The following ALMS1 variants were observed in gnomAD, a reference collection of about 807,000 sequenced individuals.
ALMS1 encodes the protein ALMS1 centrosome and basal body associated protein, also known as centrosome-associated protein ALMS1.
ALMS1 carries 271 observed loss-of-function variants against 352.2 expected under a neutral mutation model. The ratio of observed to expected loss-of-function variants is 0.77; its 90% CI spans 0.70 to 0.85. The LOEUF (loss-of-function observed/expected upper bound fraction) is 0.85. Ranked by LOEUF, ALMS1 falls within the 40% of genes least tolerant of loss-of-function variation. The pLI, the probability that ALMS1 is intolerant of heterozygous loss-of-function variation, is 0.00. For missense variants in ALMS1, 5,445 were observed against 4,870.7 expected (o/e 1.12, Z -3.51); for synonymous variants, 1,865 against 1,761.2 (o/e 1.06, Z -1.48).
chr2:73,494,617 G>A (rs1011899909), intron 10 of ALMS1, among the ~76,000 whole-genome samples: 1 of 152,134 alleles, frequency 6.6e-6, no homozygotes, highest in African/African-American at 2.4e-5. Context: ...TTTGAAGAGT[G>A]CTAATCAGTT....
Position 73,455,003 on chromosome 2 carries a change from CTG to C in ALMS1, c.7541-157_7541-156del, listed in dbSNP as rs1330587339. ...ATCAGACTTTGCAGTGAAAGGATCT[CTG>C]TCAAGAATTTCTAATAGGTTGTCAT... On this transcript the variant is annotated intron_variant, in intron 8 of 22. Coordinates refer to ENST00000613296, the MANE Select transcript of ALMS1 (RefSeq NM_001378454.1). Among the ~76,000 whole-genome samples, 4 of 152,178 alleles carry C rather than the reference CTG, an allele frequency of 2.6e-5. No individual in the cohort carries two copies. The East Asian group carries it at 7.7e-4, about 29-fold the overall frequency.
At chr2:73,472,549 A>G (rs1255163325) in intron 9 of ALMS1, among the ~76,000 whole-genome samples, 2 of 152,068 alleles carry the variant, frequency 1.3e-5, no homozygotes, top group African/African-American at 4.8e-5. Flanking sequence ...AAAACACCTA[A>G]TAAGCTTCCA....
intron 7 of ALMS1, among the ~76,000 whole-genome samples, chr2:73,444,507 T>C (rs1488601723): frequency 1.3e-5 from 2 of 152,190 alleles, no homozygotes; most frequent in African/African-American, 4.8e-5. Context: ...TGCTTTCGCA[T>C]TGAAAAAGAA....
At position 73,542,332 on chromosome 2, in the gene ALMS1, A is replaced by G. The variant is rs1373331855; in HGVS notation, c.9907+7383A>G. 2.6e-5 allele frequency among the ~76,000 whole-genome samples: 4 copies of G among 152,214 alleles called. No homozygotes were observed. The East Asian group carries it at 7.7e-4, about 29-fold the overall frequency. ...AAAATTCAACAACCCTTCATGCTAA[A>G]AACTCTCAATAAATGAGGTATTGAT... is the stretch of plus-strand genomic sequence containing the variant. On this transcript the variant is annotated intron_variant, in intron 12 of 22. Coordinates refer to ENST00000613296, the MANE Select transcript of ALMS1 (RefSeq NM_001378454.1).
rs1338636347 is a variant in ALMS1, at chr2:73,450,475, T to G, written c.3948T>G (p.Val1316=). The G allele has an allele frequency of 1.9e-6, 3 of 1,613,394 alleles. No homozygotes were observed. The highest frequency in any genetic ancestry group is 1.6e-4 in the Middle Eastern group (1 of 6,062). The change falls in exon 8 of 23, where the codon GTT becomes GTG. Residue 1316 remains valine, a synonymous_variant. Transcript: ENST00000613296. The stretch of plus-strand genomic sequence containing the variant: ...AAGAGGCTAAGAATGTTTCAGCGGT[T>G]CCTGGACCAGCTGACCAGAAGACTG... ...LTEEAKNVSA[V]PGPADQKTVI...
rs1454003034 is a variant in ALMS1 at position 73,599,404 on chromosome 2, G to A, written c.11551G>A (p.Ala3851Thr). 2.5e-6 allele frequency: 4 copies of A among 1,612,790 alleles called. No individual in the cohort carries two copies. The highest frequency in any genetic ancestry group is 1.1e-5 in the South Asian group (1 of 91,058). Residue 3851 changes from alanine to threonine, a missense_variant, in exon 17 of 23, where the codon GCA becomes ACA. Transcript: ENST00000613296. ...EHTRRRHIQV[A>T]NHVISSDSIS... ...AAGATCTCTTTTATTTTTCTAGGTAGCAAACCATGTGATTTCTTCTGACTC... is the reference window on the plus strand; with the variant it reads ...AAGATCTCTTTTATTTTTCTAGGTAACAAACCATGTGATTTCTTCTGACTC...
intron 9 of ALMS1, among the ~76,000 whole-genome samples, chr2:73,457,648 T>C (rs1672095212): frequency 1.3e-5 from 2 of 152,180 alleles, no homozygotes; most frequent in South Asian, 4.1e-4. Flanking sequence ...TATTAAAATA[T>C]CCCTTTCAGC....
At position 73,572,244 on chromosome 2, in the gene ALMS1, T is replaced by C; in HGVS notation, c.10385-18T>C. The C allele has an allele frequency of 6.3e-7, 1 of 1,597,536 alleles. No homozygotes were observed. Among genetic ancestry groups the C allele is most frequent in the Non-Finnish European group, 8.5e-7 (1 of 1,173,710 alleles). Reference sequence around the variant, plus strand: ...TAATTTTTTAAGTTCTTTCAAAATCTTTTTTTCTCCTTTTCAGAGTCCGAA... The same window carrying C: ...TAATTTTTTAAGTTCTTTCAAAATCCTTTTTTCTCCTTTTCAGAGTCCGAA... On this transcript the variant is annotated intron_variant, in intron 15 of 22. Transcript: ENST00000613296.
chr2:73,453,625 A>G lies in ALMS1; in HGVS notation c.7098A>G (p.Ala2366=). The change falls in exon 8 of 23, where the codon GCA becomes GCG. Residue 2366 remains alanine, a synonymous_variant. Transcript: ENST00000613296. ...STTVRSPLQE[A]ESKVSMALEE... ...CAGTTAGAAGTCCTCTACAGGAAGC[A>G]GAGAGCAAAGTCAGTATGGCATTAG... is the stretch of plus-strand genomic sequence containing the variant. 6.2e-7 allele frequency: 1 copy of G among 1,614,098 alleles called. No individual in the cohort carries two copies. The highest frequency in any genetic ancestry group is 1.1e-5 in the South Asian group (1 of 91,086).
chr2:73,573,220 T>C lies in ALMS1; in HGVS notation c.11343T>C (p.Ser3781=). The C allele has an allele frequency of 8.7e-6, 14 of 1,613,106 alleles. No homozygotes were observed. Among genetic ancestry groups the C allele is most frequent in the Non-Finnish European group, 1.2e-5 (14 of 1,179,230 alleles). Residue 3781 remains serine (S), a synonymous_variant, in exon 16 of 23, where the codon TCT becomes TCC. Coordinates refer to ENST00000613296, the MANE Select transcript of ALMS1 (RefSeq NM_001378454.1). ...REVALHERSS[S]VSTIDTARLI... ...TGGCTCTGCACGAAAGGAGTAGCTC[T>C]GTTTCCACTATTGACACTGCCCGGC...
rs45598335 is a variant in ALMS1, at chr2:73,600,831, G to A, written c.11822G>A (p.Gly3941Asp). The A allele has an allele frequency of 6.2e-7, 1 of 1,614,174 alleles. No individual in the cohort carries two copies. The highest frequency in any genetic ancestry group is 8.5e-7 in the Non-Finnish European group (1 of 1,180,018). Residue 3941 changes from glycine (G) to aspartate (D), a missense_variant, in exon 18 of 23, where the codon GGT becomes GAT. By Grantham distance (94) the Gly-to-Asp change is moderately conservative (BLOSUM62 -1). Transcript: ENST00000613296. ...EKREEKMLFT[G>D]YPEDRKLKKN... Reference sequence around the variant, plus strand: ...CGTGAAGAGAAAATGCTCTTTACCGGTTATCCTGAGGACAGAAAGTTAAAA... The same window carrying A: ...CGTGAAGAGAAAATGCTCTTTACCGATTATCCTGAGGACAGAAAGTTAAAA...
chr2:73,504,537 G>A (rs1264889682), intron 10 of ALMS1, among the ~76,000 whole-genome samples: 1 of 152,150 alleles, frequency 6.6e-6, no homozygotes, highest in South Asian at 2.1e-4. Context: ...AACATAACAT[G>A]TAAACTTTGA....
intron 9 of ALMS1, among the ~76,000 whole-genome samples, chr2:73,480,320 T>C (rs1043708312): frequency 3.9e-5 from 6 of 152,122 alleles, no homozygotes; most frequent in African/African-American, 1.2e-4. Flanking sequence ...AGTGAGAATA[T>C]GCGGTGTTTG....
rs771228376 is a variant in ALMS1 at position 73,453,416 on chromosome 2, T to A, written c.6889T>A (p.Ser2297Thr). ...TATTAGTGATATTTCATTTATACAA[T>A]CTAAGAAGGTGGTTTGCTTCAAAGA... ...RDISDISFIQ[S>T]KKVVCFKEPS... The change falls in exon 8 of 23, where the codon TCT becomes ACT. Residue 2297 changes from serine (S) to threonine (T), a missense_variant. Coordinates refer to ENST00000613296, the MANE Select transcript of ALMS1 (RefSeq NM_001378454.1). 14 of 1,613,502 alleles carry A rather than the reference T, an allele frequency of 8.7e-6. No homozygotes were observed. The highest frequency in any genetic ancestry group is 1.2e-5 in the Non-Finnish European group (14 of 1,179,748).
chr2:73,447,579 C>A (rs1671832663), intron 7 of ALMS1, among the ~76,000 whole-genome samples: 1 of 152,122 alleles, frequency 6.6e-6, no homozygotes, highest in Non-Finnish European at 1.5e-5. Flanking sequence ...TTGTCTCTGA[C>A]TGAAGACCTT....
At chr2:73,563,504 A>G (rs900430339) in intron 15 of ALMS1, among the ~76,000 whole-genome samples, 6 of 151,850 alleles carry the variant, frequency 4.0e-5, no homozygotes, top group African/African-American at 1.5e-4. Flanking sequence ...GGGCGGATTA[A>G]GAGGTCAGGA....
At chr2:73,492,737 T>C (rs760407290) in intron 10 of ALMS1, among the ~76,000 whole-genome samples, 1 of 152,166 alleles carries the variant, frequency 6.6e-6, no homozygotes, top group African/African-American at 2.4e-5. Flanking sequence ...AGATCAGTAA[T>C]GATACCTTTA....
chr2:73,596,214 T>C (rs554025230), intron 16 of ALMS1, among the ~76,000 whole-genome samples: 1 of 152,348 alleles, frequency 6.6e-6, no homozygotes, highest in South Asian at 2.1e-4. Context: ...TATTCTCCTA[T>C]GTTTTTCATT....
chr2:73,417,664 G>C (rs1379951779), intron 2 of ALMS1, among the ~76,000 whole-genome samples: 1 of 150,492 alleles, frequency 6.6e-6, no homozygotes, highest in East Asian at 1.9e-4. Context: ...GCAAGAACCT[G>C]TCTAAAAAAA....
Sources: gnomAD v4.1 joint callset for allele counts (sites outside exome capture counted in the v4.1 genomes callset) on GRCh38, gnomAD v4.1.1 for gene constraint, MANE v1.5 for transcripts, NCBI Gene and HGNC (gene_info 2026-07-23, HGNC 2026-07-21) for gene names.